The following TTC39C variants were observed in gnomAD, a reference collection of about 807,000 sequenced individuals.
TTC39C encodes the protein tetratricopeptide repeat protein 39C.
TTC39C carries 33 observed loss-of-function variants against 76.3 expected under a neutral mutation model. The ratio of observed to expected loss-of-function variants is 0.43; its 90% CI spans 0.33 to 0.58. The LOEUF (loss-of-function observed/expected upper bound fraction) is 0.58, where lower values mean the gene tolerates loss of function less well. TTC39C is among the 20% of genes least tolerant of loss of function. The pLI is 0.04. For missense variants in TTC39C, 595 were observed against 701.4 expected, an observed-to-expected ratio of 0.85 and a Z score of 1.71; for synonymous variants, 254 against 260.6, an observed-to-expected ratio of 0.97 and a Z score of 0.24.
At chr18:24,039,648 A>C (rs1037716992) in intron 1 of TTC39C, among the ~76,000 whole-genome samples, 5 of 152,222 alleles carry the variant, frequency 3.3e-5, no homozygotes, top group African/African-American at 7.2e-5. Flanking sequence ...GTGGTTTTTA[A>C]GCAGAGGAGT....
chr18:23,993,582 T>C (rs961740307), intron 1 of TTC39C, among the ~76,000 whole-genome samples: 1 of 152,228 alleles, frequency 6.6e-6, no homozygotes, highest in Non-Finnish European at 1.5e-5. Context: ...TCATTAAATC[T>C]TGTATAAAGA....
At chr18:24,048,273 T>G (rs1019455029) in intron 1 of TTC39C, among the ~76,000 whole-genome samples, 8 of 152,238 alleles carry the variant, frequency 5.3e-5, no homozygotes, top group African/African-American at 1.9e-4. Context: ...TTCCAAAATG[T>G]GCTATGAAGT....
chr18:23,997,515 G>T (rs530627996), intron 1 of TTC39C, among the ~76,000 whole-genome samples: 3 of 114,678 alleles, frequency 2.6e-5, no homozygotes, highest in Non-Finnish European at 4.9e-5. Context: ...TTGCCCAACT[G>T]TACTCCAGCC....
intron 6 of TTC39C, among the ~76,000 whole-genome samples, chr18:24,104,726 G>C (rs1599329458): frequency 6.8e-6 from 1 of 146,574 alleles, no homozygotes; most frequent in South Asian, 2.2e-4. Flanking sequence ...GTGTGTGACT[G>C]TGCATGTGTG....
intron 3 of TTC39C, among the ~76,000 whole-genome samples, chr18:24,066,982 T>C (rs2084174038): frequency 6.6e-6 from 1 of 152,160 alleles, no homozygotes. Context: ...GTGCTGGGGC[T>C]AGATTTGGAA....
chr18:24,123,938 A>G lies in TTC39C; in HGVS notation c.1291A>G (p.Lys431Glu), dbSNP rs2085011941. Reference sequence around the variant, plus strand: ...CAATCAGATTGAACAGTTCTCGGTGAAAAAGGTATGTTGGAGCCTATTGAT... The same window carrying G: ...CAATCAGATTGAACAGTTCTCGGTGGAAAAGGTATGTTGGAGCCTATTGAT... ...KNNQIEQFSV[K>E]KAERFRKQTP... The change falls in exon 9 of 14, where the codon AAA (lysine) becomes GAA (glutamate). Residue 431 changes from lysine to glutamate, a missense_variant. Coordinates refer to ENST00000317571, the MANE Select transcript of TTC39C (RefSeq NM_001135993.2). 1 of 1,603,362 alleles carries G rather than the reference A, an allele frequency of 6.2e-7. No individual in the cohort carries two copies. Among genetic ancestry groups the G allele is most frequent in the Non-Finnish European group, 8.5e-7 (1 of 1,174,624 alleles).
At chr18:24,025,413 A>G (rs28627176) in intron 1 of TTC39C, among the ~76,000 whole-genome samples, 5,647 of 152,346 alleles carry the variant, frequency 0.037, 262 homozygotes, top group African/African-American at 0.11. Flanking sequence ...TTGACAACTC[A>G]GATGCCACAA....
intron 4 of TTC39C, among the ~76,000 whole-genome samples, chr18:24,071,507 A>G (rs2084241369): frequency 6.6e-6 from 1 of 152,222 alleles, no homozygotes; most frequent in Non-Finnish European, 1.5e-5. Flanking sequence ...TCTTTTTATT[A>G]ATGATCTACT....
intron 4 of TTC39C, among the ~76,000 whole-genome samples, chr18:24,080,280 G>A (rs1032211237): frequency 2.6e-5 from 4 of 152,182 alleles, no homozygotes; most frequent in African/African-American, 9.6e-5. Context: ...GGATTCAGGT[G>A]ATTCATTCAT....
intron 1 of TTC39C, among the ~76,000 whole-genome samples, chr18:24,019,202 C>G (rs1269420117): frequency 6.6e-6 from 1 of 152,192 alleles, no homozygotes; most frequent in Non-Finnish European, 1.5e-5. Flanking sequence ...TGCCCTGATG[C>G]TGAGCCTCCC....
chr18:24,097,965 C>G (rs2084610818), intron 6 of TTC39C, among the ~76,000 whole-genome samples: 1 of 152,074 alleles, frequency 6.6e-6, no homozygotes, highest in South Asian at 2.1e-4. Context: ...ATTTGAAATT[C>G]ATGCATAGTT....
intron 1 of TTC39C, among the ~76,000 whole-genome samples, chr18:24,023,973 TATATATACATATATATATATATATATATA>T (rs2083556007): frequency 1.2e-4 from 2 of 17,148 alleles, no homozygotes; most frequent in African/African-American, 3.3e-4. Context: ...TATATATATA[TATATATACATATATATATATATATATATA>T]TATATATATA....
At chr18:24,117,631 A>G (rs2197349) in intron 7 of TTC39C, among the ~76,000 whole-genome samples, 150,592 of 151,784 alleles carry the variant, frequency 0.99, 74,718 homozygotes, top group East Asian at 1. Flanking sequence ...GAACCCAGGG[A>G]GCAGAGGTTG....
At chr18:24,063,757 G>A (rs2145730293) in intron 1 of TTC39C, among the ~76,000 whole-genome samples, 1 of 152,116 alleles carries the variant, frequency 6.6e-6, no homozygotes, top group South Asian at 2.1e-4. Flanking sequence ...CAGGTAATCT[G>A]CCTGCCTCAG....
At chr18:24,010,719 T>A (rs1232549738), upstream of TTC39C, among the ~76,000 whole-genome samples, 1 of 152,184 alleles carries the variant, frequency 6.6e-6, no homozygotes, top group Non-Finnish European at 1.5e-5. Flanking sequence ...CAGTAAGGTT[T>A]TCTTGTGGTA....
chr18:24,131,359 TTATC>T (rs1377942485), intron 12 of TTC39C, among the ~76,000 whole-genome samples: 1 of 152,118 alleles, frequency 6.6e-6, no homozygotes, highest in African/African-American at 2.4e-5. Flanking sequence ...GAAAAATTAT[TTATC>T]AAGTGATTAT....
At chr18:24,045,187 T>C (rs1190178640) in intron 1 of TTC39C, among the ~76,000 whole-genome samples, 1 of 141,556 alleles carries the variant, frequency 7.1e-6, no homozygotes, top group Non-Finnish European at 1.5e-5. Context: ...GAGAATTACC[T>C]GAACCCGGGA....
At chr18:24,057,883 T>C (rs2084036890) in intron 1 of TTC39C, among the ~76,000 whole-genome samples, 2 of 152,212 alleles carry the variant, frequency 1.3e-5, no homozygotes, top group Non-Finnish European at 2.9e-5. Context: ...TGCAGCACTA[T>C]TCACAATAGC....
At chr18:24,124,035 G>C (rs1317644254) in intron 9 of TTC39C, 92 bp downstream of exon 9, 14 of 901,582 alleles carry the variant, frequency 1.6e-5, no homozygotes, top group Non-Finnish European at 2.2e-5. Flanking sequence ...TATATTCAAG[G>C]CTGCCTATTT....
Sources: allele counts gnomAD v4.1 joint callset (sites outside exome capture counted in the v4.1 genomes callset), GRCh38; gene constraint gnomAD v4.1.1; transcripts MANE v1.5; gene names NCBI Gene and HGNC (gene_info 2026-07-23, HGNC 2026-07-21).